The following ARB2A variants were observed in gnomAD, a reference collection of about 807,000 sequenced individuals.
ARB2A encodes cotranscriptional regulator ARB2A.
At chr5:93,840,108 T>C in the ARB2A span, among the ~76,000 whole-genome samples, 134 of 152,296 alleles carry the variant, frequency 8.8e-4, no homozygotes, top group African/African-American at 3.2e-3. Flanking sequence ...GTTAATTTGA[T>C]ATCTTTTTAA....
chr5:93,724,222 G>A, the ARB2A span, among the ~76,000 whole-genome samples: 1 of 151,826 alleles, frequency 6.6e-6, no homozygotes, highest in South Asian at 2.1e-4. Flanking sequence ...AAAATCTGAT[G>A]ATGCAAAATA....
At chr5:93,647,376 G>A in the ARB2A span, among the ~76,000 whole-genome samples, 2 of 152,122 alleles carry the variant, frequency 1.3e-5, no homozygotes, top group African/African-American at 4.8e-5. Context: ...ACAGGCACTC[G>A]CCACCACACC....
At chr5:93,621,048 G>C in the ARB2A span, 2 of 1,612,128 alleles carry the variant, frequency 1.2e-6, no homozygotes, top group South Asian at 2.2e-5. Flanking sequence ...CAGGGAGCTG[G>C]TCTTGGCCTC....
the ARB2A span, among the ~76,000 whole-genome samples, chr5:93,743,775 C>T: frequency 6.6e-6 from 1 of 151,814 alleles, no homozygotes; most frequent in Middle Eastern, 3.4e-3. Context: ...CAAGCGATTC[C>T]CCTGCCTCAG....
At chr5:94,085,219 A>T in the ARB2A span, among the ~76,000 whole-genome samples, 1 of 152,212 alleles carries the variant, frequency 6.6e-6, no homozygotes. Context: ...CCATCATCAA[A>T]ACAGTCAGTT....
chr5:94,057,960 G>C, the ARB2A span, among the ~76,000 whole-genome samples: 1 of 152,120 alleles, frequency 6.6e-6, no homozygotes, highest in Non-Finnish European at 1.5e-5. Flanking sequence ...TTTAGAAAGA[G>C]AGACTGCTGG....
At chr5:93,961,128 T>C in the ARB2A span, among the ~76,000 whole-genome samples, 1 of 152,186 alleles carries the variant, frequency 6.6e-6, no homozygotes, top group Admixed American at 6.5e-5. Flanking sequence ...CAGGGGTTTC[T>C]AGTCACTCAA....
chr5:94,016,003 G>A, the ARB2A span, among the ~76,000 whole-genome samples: 1 of 152,118 alleles, frequency 6.6e-6, no homozygotes, highest in African/African-American at 2.4e-5. Context: ...GTTGCTCAAT[G>A]GGTAAGAAAC....
the ARB2A span, among the ~76,000 whole-genome samples, chr5:93,623,758 T>C: frequency 6.6e-6 from 1 of 152,080 alleles, no homozygotes; most frequent in Non-Finnish European, 1.5e-5. Flanking sequence ...GGTAATAAGG[T>C]AGGTTAGCAA....
At chr5:93,931,084 T>C in the ARB2A span, among the ~76,000 whole-genome samples, 1 of 152,204 alleles carries the variant, frequency 6.6e-6, no homozygotes. Context: ...GAACATGTGG[T>C]GTTTGGTTTT....
At chr5:93,853,407 G>C in the ARB2A span, among the ~76,000 whole-genome samples, 50 of 152,256 alleles carry the variant, frequency 3.3e-4, no homozygotes, top group Non-Finnish European at 5.3e-4. Flanking sequence ...CTGCAAACAC[G>C]GACAATTTGA....
At chr5:93,717,858 G>A in the ARB2A span, among the ~76,000 whole-genome samples, 4 of 143,510 alleles carry the variant, frequency 2.8e-5, no homozygotes, top group Non-Finnish European at 4.5e-5. Context: ...TTTTTGAGAC[G>A]GAGTCTCGCT....
the ARB2A span, among the ~76,000 whole-genome samples, chr5:93,663,300 C>T: frequency 6.6e-6 from 1 of 152,164 alleles, no homozygotes. Flanking sequence ...AGGTTACAAA[C>T]ATAAACTTTT....
chr5:93,981,130 G>A, the ARB2A span, among the ~76,000 whole-genome samples: 20 of 150,626 alleles, frequency 1.3e-4, no homozygotes, highest in African/African-American at 2.9e-4. Flanking sequence ...GTGCAATGGC[G>A]CGATCTCGGC....
chr5:93,855,211 A>T, the ARB2A span, among the ~76,000 whole-genome samples: 4 of 152,146 alleles, frequency 2.6e-5, no homozygotes, highest in African/African-American at 7.2e-5. Flanking sequence ...ACCATTATGT[A>T]ATGGCCTTCT....
At chr5:93,967,829 T>C in the ARB2A span, among the ~76,000 whole-genome samples, 1 of 152,114 alleles carries the variant, frequency 6.6e-6, no homozygotes, top group Non-Finnish European at 1.5e-5. Flanking sequence ...CTCCGGCTCA[T>C]TTAAGAGATG....
the ARB2A span, among the ~76,000 whole-genome samples, chr5:93,927,289 T>C: frequency 6.6e-6 from 1 of 152,200 alleles, no homozygotes. Context: ...ATCTGGATTA[T>C]AGACTGTAGC....
At chr5:94,102,601 A>T in the ARB2A span, among the ~76,000 whole-genome samples, 3 of 152,258 alleles carry the variant, frequency 2.0e-5, no homozygotes, top group East Asian at 3.9e-4. Context: ...AAACATAATT[A>T]AAAATTATGA....
chr5:93,805,114 C>T, the ARB2A span: 1 of 977,628 alleles, frequency 1.0e-6, no homozygotes, highest in South Asian at 4.7e-5. Flanking sequence ...TAGAAATTCT[C>T]AGATTCAAAT....
Sources: gnomAD v4.1 joint callset for allele counts (sites outside exome capture counted in the v4.1 genomes callset) on GRCh38, gnomAD v4.1.1 for gene constraint, MANE v1.5 for transcripts, NCBI Gene and HGNC (gene_info 2026-07-23, HGNC 2026-07-21) for gene names.